Variants in MYO16 observed in about 807,000 individuals in gnomAD.
MYO16 encodes the protein myosin XVI.
In MYO16, 94 loss-of-function variants were observed where a neutral mutation model predicts 205.3. That is an observed-to-expected ratio of 0.46 (90% confidence interval 0.39 to 0.54). The LOEUF is 0.54. Ranked by LOEUF, MYO16 falls within the 20% of genes least tolerant of loss-of-function variation. The pLI, the probability that MYO16 is intolerant of heterozygous loss-of-function variation, is 0.00. For missense variants in MYO16, 2,315 were observed against 2,387.5 expected (o/e 0.97, Z 0.63); for synonymous variants, 988 against 954.0 (o/e 1.04, Z -0.66).
intron 4 of MYO16, among the ~76,000 whole-genome samples, chr13:108,751,227 A>G (rs1057321524): frequency 2.0e-5 from 3 of 152,128 alleles, no homozygotes; most frequent in Admixed American, 1.3e-4. Context: ...GGATTTTTGG[A>G]GAAACGACTG....
intron 9 of MYO16, among the ~76,000 whole-genome samples, chr13:108,836,632 G>C (rs943462382): frequency 6.6e-6 from 1 of 152,214 alleles, no homozygotes; most frequent in African/African-American, 2.4e-5. Context: ...CACAGGGACA[G>C]AGCTACCCAA....
intron 29 of MYO16, among the ~76,000 whole-genome samples, chr13:109,123,277 G>A (rs1027216654): frequency 5.3e-5 from 8 of 152,292 alleles, no homozygotes; most frequent in East Asian, 1.9e-4. Context: ...GAGGTCTTCC[G>A]GAGGCGGGAC....
intron 20 of MYO16, among the ~76,000 whole-genome samples, chr13:108,981,947 T>G (rs1298469155): frequency 6.6e-6 from 1 of 152,226 alleles, no homozygotes; most frequent in Non-Finnish European, 1.5e-5. Flanking sequence ...TTTCAGACTC[T>G]TTGGTCTGTC....
intron 16 of MYO16, among the ~76,000 whole-genome samples, chr13:108,953,867 T>G (rs1883247438): frequency 6.6e-6 from 1 of 152,210 alleles, no homozygotes. Context: ...GGCATTGTGT[T>G]TTTTTCTTCG....
intron 27 of MYO16, among the ~76,000 whole-genome samples, chr13:109,058,841 A>T (rs1213812992): frequency 6.6e-6 from 1 of 152,164 alleles, no homozygotes; most frequent in Non-Finnish European, 1.5e-5. Flanking sequence ...TCAAAATTCG[A>T]GTCAATCTTC....
rs201398198 is a variant in MYO16, at chr13:108,881,058, G to A, written c.1426-2001G>A. Reference sequence around the variant, plus strand: ...CCTCCCAGTAGCGGATGACTGACACGTCATACAGCCAGGTGTCCCTCTGAG... The same window carrying A: ...CCTCCCAGTAGCGGATGACTGACACATCATACAGCCAGGTGTCCCTCTGAG... On this transcript the variant is annotated intron_variant, in intron 12 of 34. Coordinates refer to ENST00000457511, the MANE Select transcript of MYO16 (RefSeq NM_001198950.3). Among the ~76,000 whole-genome samples, 29 of 152,262 alleles carry A rather than the reference G, an allele frequency of 1.9e-4. No individual in the cohort carries two copies. The East Asian group carries it at 2.3e-3, about 12-fold the overall frequency.
chr13:108,579,586 G>T, the MYO16 span, among the ~76,000 whole-genome samples: 2 of 151,626 alleles, frequency 1.3e-5, no homozygotes, highest in African/African-American at 2.4e-5. Flanking sequence ...GATTACAGGC[G>T]CCCTCCATCA....
At chr13:109,167,038 A>T (rs1566545186) in intron 33 of MYO16, 1 of 152,376 alleles carries the variant, frequency 6.6e-6, no homozygotes, top group Non-Finnish European at 1.5e-5. Context: ...GGCAGGCCAC[A>T]GAAGGTTCAC....
rs547979150 is a variant in MYO16 at position 108,659,426 on chromosome 13, C to T, written c.29-6460C>T. ...TTTCAAGTTTAGTCCTACAGAGGTA[C>T]GCACTCGCTGAGCAGGGGCTTCTGG... On this transcript the variant is annotated intron_variant, in intron 1 of 34. Transcript: ENST00000457511. The T allele has an allele frequency of 1.3e-4, 54 of 402,706 alleles. 1 individual carries two copies. Among genetic ancestry groups the T allele is most frequent in the Middle Eastern group, 7.1e-4 (2 of 2,820 alleles). 24.9% of individuals were successfully genotyped at this position (402,706 alleles called of 1,614,324 possible).
In MYO16 at chr13:108,824,619, C is replaced by T. The variant is rs147660908; in HGVS notation, c.1097+1341C>T. ...AGACTTAAATAGCACTATAAACAAC[C>T]AGATCTAACAGACATATTTAGAGCA... On this transcript the variant is annotated intron_variant, in intron 9 of 34. Coordinates refer to ENST00000457511, the MANE Select transcript of MYO16 (RefSeq NM_001198950.3). 2.0e-5 allele frequency among the ~76,000 whole-genome samples: 3 copies of T among 152,074 alleles called. No individual in the cohort carries two copies. In the East Asian group the frequency reaches 5.8e-4, roughly 29 times the overall value.
intron 34 of MYO16, among the ~76,000 whole-genome samples, chr13:109,188,645 G>A (rs1390037159): frequency 1.3e-5 from 2 of 152,164 alleles, no homozygotes; most frequent in East Asian, 3.8e-4. Flanking sequence ...GCAAGCTGAG[G>A]AGCAAAGAAG....
intron 33 of MYO16, among the ~76,000 whole-genome samples, chr13:109,173,147 T>C (rs561240291): frequency 6.6e-6 from 1 of 152,242 alleles, no homozygotes; most frequent in Non-Finnish European, 1.5e-5. Context: ...AGGTGCACAT[T>C]AGTCAATCAA....
the MYO16 span, among the ~76,000 whole-genome samples, chr13:108,554,723 G>A: frequency 4.6e-5 from 7 of 151,630 alleles, no homozygotes; most frequent in African/African-American, 2.4e-5. Context: ...GGTGGCGGGC[G>A]CCTGTAGTCC....
intron 1 of MYO16, among the ~76,000 whole-genome samples, chr13:108,598,723 A>T (rs1377642270): frequency 6.6e-6 from 1 of 152,180 alleles, no homozygotes; most frequent in African/African-American, 2.4e-5. Flanking sequence ...ATTTTTATTC[A>T]TTGGAACATA....
intron 1 of MYO16, among the ~76,000 whole-genome samples, chr13:108,615,601 A>G (rs1879322370): frequency 6.6e-6 from 1 of 152,148 alleles, no homozygotes; most frequent in African/African-American, 2.4e-5. Flanking sequence ...ACCCATTGCA[A>G]TTGAGTATTA....
chr13:108,825,451 G>A (rs1451030010), intron 9 of MYO16, among the ~76,000 whole-genome samples: 1 of 151,894 alleles, frequency 6.6e-6, no homozygotes, highest in Non-Finnish European at 1.5e-5. Flanking sequence ...AAACAAAACA[G>A]GGCTAACGTC....
chr13:108,682,211 C>T (rs1040905111), intron 2 of MYO16, among the ~76,000 whole-genome samples: 3 of 152,220 alleles, frequency 2.0e-5, no homozygotes, highest in Non-Finnish European at 2.9e-5. Context: ...CAGAAAAATG[C>T]CTGTCCCATT....
chr13:108,696,256 C>T (rs1883085931), intron 2 of MYO16, among the ~76,000 whole-genome samples: 1 of 152,106 alleles, frequency 6.6e-6, no homozygotes, highest in Non-Finnish European at 1.5e-5. Flanking sequence ...CAAATGATTG[C>T]ATGATTTTAC....
At chr13:109,072,394 C>A (rs1887950868) in intron 27 of MYO16, among the ~76,000 whole-genome samples, 1 of 152,120 alleles carries the variant, frequency 6.6e-6, no homozygotes, top group East Asian at 1.9e-4. Flanking sequence ...TATTTACAAG[C>A]ATCCCATTTT....
Sources: gnomAD v4.1 joint callset for allele counts (sites outside exome capture counted in the v4.1 genomes callset) on GRCh38, gnomAD v4.1.1 for gene constraint, MANE v1.5 for transcripts, NCBI Gene and HGNC (gene_info 2026-07-23, HGNC 2026-07-21) for gene names.